The following CSH1 variants were observed in gnomAD, a reference collection of about 807,000 sequenced individuals.
CSH1 encodes Chorionic somatomammotropin hormone 2.
CSH1 carries 17 observed loss-of-function variants against 19.4 expected under a neutral mutation model. The observed-to-expected ratio is 0.88, with a 90% CI of 0.60 to 1.31. The LOEUF (loss-of-function observed/expected upper bound fraction) is 1.31, where lower values mean the gene tolerates loss of function less well. Ranked by LOEUF, CSH1 falls within the 40% of genes most tolerant of loss-of-function variation. CSH1 has a pLI of 0.00. For synonymous variants in CSH1, 72 were observed against 104.6 expected (o/e 0.69, Z 1.90); for missense variants, 190 against 243.1 (o/e 0.78, Z 1.45).
chr17:63,895,254 G>C (rs749564716), intron 4 of CSH1, 35 bp from the exon 5 acceptor site: 4 of 1,612,870 alleles, frequency 2.5e-6, no homozygotes, highest in Non-Finnish European at 3.4e-6. Context: ...GAGGCCAAGC[G>C]CTTGGGCACT....
Position 63,896,205 on chromosome 17 carries a change from G to C in CSH1, c.41C>G (p.Ala14Gly), listed in dbSNP as rs201879556. The C allele has an allele frequency of 7.5e-6, 11 of 1,463,664 alleles. No homozygotes were observed. The highest frequency in any genetic ancestry group is 1.3e-5 in the South Asian group (1 of 77,370). The allele number at this position is 1,463,664 out of a possible 1,614,324, so 90.7% of individuals were successfully genotyped here. Reference protein sequence around the residue: ...GSRTSLLLAFALLCLPWLQEA... With the variant: ...GSRTSLLLAFGLLCLPWLQEA... ...TTGAAGCCAGGGCAGGCAGAGCAGG[G>C]CAAAAGCCAGGAGCAGGGACGTCCG... The change falls in exon 2 of 5, where the codon GCC becomes GGC. Residue 14 changes from alanine to glycine, a missense_variant. Physicochemically the swap from Ala to Gly is moderately conservative, Grantham distance 60 (BLOSUM62 0). Around this residue, in one of 3 missense-constraint regions of CSH1, gnomAD observed 11 missense variants for 17.0 expected, o/e 0.65. Coordinates refer to ENST00000316193, the MANE Select transcript of CSH1 (RefSeq NM_001317.6).
chr17:63,895,335 C>T (rs199533261), intron 4 of CSH1, 116 bp from the exon 5 acceptor site: 6 of 1,612,682 alleles, frequency 3.7e-6, no homozygotes, highest in Middle Eastern at 3.3e-4. Flanking sequence ...CTGGAGGATT[C>T]ACCAGGCGAA....
At chr17:63,895,898 G>C in intron 2 of CSH1, 48 bp from the exon 3 acceptor site, 2 of 474,128 alleles carry the variant, frequency 4.2e-6, no homozygotes, top group Non-Finnish European at 6.7e-6. Flanking sequence ...TTCTATGCTG[G>C]AGACCAGCTC....
rs779403213 is a variant in CSH1 at position 63,895,696 on chromosome 17, C to G, written c.291+35G>C. On this transcript the variant is annotated intron_variant, in intron 3 of 4. Coordinates refer to ENST00000316193, the MANE Select transcript of CSH1 (RefSeq NM_001317.6). ...CCGGGAGCCCTGACCACAGGTCTCC[C>G]CCATCCCCGCCTAGGGGAGACGGCA... The G allele has an allele frequency of 2.3e-5, 29 of 1,277,108 alleles. No homozygotes were observed. In the South Asian group the frequency reaches 4.2e-4, roughly 19 times the overall value. The allele number at this position is 1,277,108 out of a possible 1,614,324, so 79.1% of individuals were successfully genotyped here.
At chr17:63,896,404 A>T (rs940640303) in intron 1 of CSH1, 98 bp downstream of exon 1, 1 of 1,564,016 alleles carries the variant, frequency 6.4e-7, no homozygotes, top group African/African-American at 1.4e-5. Context: ...CACATTCATA[A>T]GCCCCAAACC....
At position 63,896,482 on chromosome 17, in the gene CSH1, G is replaced by A. The variant is rs755518383; in HGVS notation, c.10+20C>T. ...CCCCTCAGGACACGTTGTGCCCAAA[G>A]GGATTTTAGGGGCGCTTACCTGGAG... On this transcript the variant is annotated intron_variant, in intron 1 of 4. Coordinates refer to ENST00000316193, the MANE Select transcript of CSH1 (RefSeq NM_001317.6). The A allele has an allele frequency of 3.7e-6, 6 of 1,612,890 alleles. No individual in the cohort carries two copies. The East Asian group carries it at 8.9e-5, about 24-fold the overall frequency.
intron 2 of CSH1, 84 bp downstream of exon 2, chr17:63,895,991 T>C (rs907748440): frequency 4.7e-6 from 3 of 635,602 alleles, no homozygotes; most frequent in Middle Eastern, 4.3e-4. Flanking sequence ...CTGAGCTCCT[T>C]AGTCTCCTCC....
chr17:63,895,414 C>A (rs202012877), intron 4 of CSH1, 59 bp downstream of exon 4: 1 of 1,612,788 alleles, frequency 6.2e-7, no homozygotes, highest in African/African-American at 1.3e-5. Flanking sequence ...GTATTTCTCT[C>A]CCCCAGCCCT....
rs770137844 is a variant in CSH1, at chr17:63,895,519, T to C, written c.410A>G (p.Tyr137Cys). 1 of 1,610,700 alleles carries C rather than the reference T, an allele frequency of 6.2e-7. No homozygotes were observed. Among genetic ancestry groups the C allele is most frequent in the East Asian group, 2.2e-5 (1 of 44,788 alleles). Residue 137 changes from tyrosine to cysteine, a missense_variant, in exon 4 of 5, where the codon TAT (tyrosine) becomes TGT (cysteine). Physicochemically the swap from Tyr to Cys is radical, Grantham distance 194. Transcript: ENST00000316193. ...TTCCTCTAGGTCCTTTAGGAGGTGATAGTCATCGCTGTCCGAGGTGTCATA... is the reference window on the plus strand; with the variant it reads ...TTCCTCTAGGTCCTTTAGGAGGTGACAGTCATCGCTGTCCGAGGTGTCATA... ...LVYDTSDSDD[Y>C]HLLKDLEEGI...
intron 4 of CSH1, 31 bp downstream of exon 4, chr17:63,895,442 C>T (rs1376333584): frequency 6.2e-7 from 1 of 1,612,786 alleles, no homozygotes; most frequent in African/African-American, 1.3e-5. Context: ...AGTGGGGTTC[C>T]AGGATTGGTG....
In CSH1 at chr17:63,895,626, C is replaced by T. The variant is rs758220189; in HGVS notation, c.303G>A (p.Leu101=). ...EETQQKSNLE[L]LRISLLLIES... ...CGATGAGCAGCAGGGAGATGCGGAG[C>T]AGCTCTAGATTCTGCAGGGGAAGGA... Residue 101 remains leucine (L), a synonymous_variant, in exon 4 of 5, where the codon CTG becomes CTA. Transcript: ENST00000316193. 6 of 1,557,484 alleles carry T rather than the reference C, an allele frequency of 3.9e-6. 1 individual carries two copies. The African/African-American group carries it at 9.6e-5, about 25-fold the overall frequency.
Position 63,895,189 on chromosome 17 carries a change from G to T in CSH1, c.487C>A (p.Gln163Lys). 3.1e-6 allele frequency: 5 copies of T among 1,612,856 alleles called. No individual in the cohort carries two copies. Among genetic ancestry groups the T allele is most frequent in the Non-Finnish European group, 4.2e-6 (5 of 1,179,568 alleles). ...RLEDGSRRTGQILKQTYSKFD... is the reference protein window; with the variant it reads ...RLEDGSRRTGKILKQTYSKFD... ...TTGCTGTAGGTCTGCTTGAGGATCT[G>T]CCCAGTCCGGCGGCTGCCGTCTTCC... is the stretch of plus-strand genomic sequence containing the variant. The change falls in exon 5 of 5, where the codon CAG (glutamine) becomes AAG (lysine). Residue 163 changes from glutamine (Q) to lysine (K), a missense_variant. Transcript: ENST00000316193.
rs774698420 is a variant in CSH1, at chr17:63,895,021, C to A, written c.*1G>T. ...GGGGTCACAGGATGCTACTCGGGCA[C>A]CTAGAAGCCACAGCTGCCCTCCACA... is the stretch of plus-strand genomic sequence containing the variant. On this transcript the variant is annotated 3_prime_UTR_variant, in exon 5 of 5. Transcript: ENST00000316193. The A allele has an allele frequency of 2.5e-6, 4 of 1,612,998 alleles. No homozygotes were observed. The highest frequency in any genetic ancestry group is 2.2e-5 in the East Asian group (1 of 44,878).
chr17:63,895,029 C>T lies in CSH1; in HGVS notation c.647G>A (p.Gly216Asp), dbSNP rs776013703. ...AGGATGCTACTCGGGCACCTAGAAG[C>T]CACAGCTGCCCTCCACAGAGCGGCA... ...VQCRSVEGSC[G>D]F Residue 216 changes from glycine to aspartate, a missense_variant, in exon 5 of 5, where the codon GGC (glycine) becomes GAC (aspartate). Transcript: ENST00000316193. 19 of 1,612,916 alleles carry T rather than the reference C, an allele frequency of 1.2e-5. 1 individual carries two copies. In the East Asian group the frequency reaches 3.1e-4, roughly 26 times the overall value.
chr17:63,895,261 C>T lies in CSH1; in HGVS notation c.457-42G>A, dbSNP rs774383662. 5.0e-6 allele frequency: 8 copies of T among 1,612,772 alleles called. No individual in the cohort carries two copies. The South Asian group carries it at 6.6e-5, about 13-fold the overall frequency. ...GAGAAGGAGAGGCCAAGCGCTTGGG[C>T]ACTGTTCCCTCCCTCTCTCATTTAT... is the stretch of plus-strand genomic sequence containing the variant. On this transcript the variant is annotated intron_variant, in intron 4 of 4. Coordinates refer to ENST00000316193, the MANE Select transcript of CSH1 (RefSeq NM_001317.6).
In CSH1 at chr17:63,896,553, G is replaced by A. The variant is rs757402470; in HGVS notation, c.-42C>T. Reference sequence around the variant, plus strand: ...GTCCACAGGACCCTGAGTGGTTCGGGGAGTTGGGCCTTGGGATCCTAGAGC... The same window carrying A: ...GTCCACAGGACCCTGAGTGGTTCGGAGAGTTGGGCCTTGGGATCCTAGAGC... On this transcript the variant is annotated 5_prime_UTR_variant, in exon 1 of 5. Coordinates refer to ENST00000316193, the MANE Select transcript of CSH1 (RefSeq NM_001317.6). 125 of 1,613,258 alleles carry A rather than the reference G, an allele frequency of 7.7e-5. 2 individuals are homozygous for A. The Admixed American group carries it at 1.4e-3, about 17-fold the overall frequency.
chr17:63,895,113 A>T lies in CSH1; in HGVS notation c.563T>A (p.Leu188Gln), dbSNP rs1255150109. Residue 188 changes from leucine to glutamine, a missense_variant, in exon 5 of 5, where the codon CTG becomes CAG. Physicochemically the swap from Leu to Gln is moderately radical, Grantham distance 113. Around this residue, in one of 3 missense-constraint regions of CSH1, gnomAD observed 175 missense variants for 187.2 expected, o/e 0.93. Transcript: ENST00000316193. ...CATGTCCTTCCTGAAGCAGTAGAGC[A>T]GCCCGTAGTTCTTGAGCAGTGCGTC... ...NHDALLKNYG[L>Q]LYCFRKDMDK... The T allele has an allele frequency of 1.2e-6, 2 of 1,612,752 alleles. No homozygotes were observed. Among genetic ancestry groups the T allele is most frequent in the Non-Finnish European group, 1.7e-6 (2 of 1,179,596 alleles).
rs559220019 is a variant in CSH1, at chr17:63,895,720, C to A, written c.291+11G>T. The A allele has an allele frequency of 3.6e-3, 3,922 of 1,074,682 alleles. 47 individuals carry two copies. Among genetic ancestry groups the A allele is most frequent in the East Asian group, 0.011 (395 of 36,990 alleles). The allele number at this position is 1,074,682 out of a possible 1,614,324, so 66.6% of individuals were successfully genotyped here. A position where few individuals can be genotyped will look rare whatever the true frequency, so the allele number is the denominator to read the frequency against. On this transcript the variant is annotated intron_variant, in intron 3 of 4. Transcript: ENST00000316193. ...CCCCATCCCCGCCTAGGGGAGACGG[C>A]ATCCACTCACGGATTTCTGTTGCGT...
Position 63,895,406 on chromosome 17 carries a change from A to G in CSH1, c.456+67T>C, listed in dbSNP as rs9909776. On this transcript the variant is annotated intron_variant, in intron 4 of 4. Transcript: ENST00000316193. ...TTACTGCTAAAAAGAGGGCAGCAGT[A>G]TTTCTCTCCCCCAGCCCTCGAAGCC... is the stretch of plus-strand genomic sequence containing the variant. 2,924 of 1,612,170 alleles carry G rather than the reference A, an allele frequency of 1.8e-3. 26 individuals carry two copies. In the African/African-American group the frequency reaches 0.025, roughly 14 times the overall value.
Sources: gnomAD v4.1 joint callset for allele counts on GRCh38, gnomAD v4.1.1 for gene constraint, gnomAD v4.1.1 regional missense constraint, MANE v1.5 for transcripts, NCBI Gene and HGNC (gene_info 2026-07-23, HGNC 2026-07-21) for gene names.